Variants in GATA4 observed in about 807,000 individuals in gnomAD.
The protein encoded by GATA4 is GATA binding protein 4.
A neutral mutation model predicts 37.9 loss-of-function variants in GATA4; 7 were observed. The ratio of observed to expected loss-of-function variants is 0.18; its 90% CI spans 0.11 to 0.35. The LOEUF (loss-of-function observed/expected upper bound fraction) is 0.35. Among genes scored for constraint, GATA4 ranks in the 10% least tolerant of loss-of-function variants. The pLI is 1.00. For synonymous variants in GATA4, 372 were observed against 292.6 expected (o/e 1.27, Z -2.77); for missense variants, 647 against 653.0 (o/e 0.99, Z 0.10).
intron 2 of GATA4, among the ~76,000 whole-genome samples, chr8:11,720,743 C>T (rs774381996): frequency 2.6e-5 from 4 of 152,098 alleles, no homozygotes; most frequent in Non-Finnish European, 5.9e-5. Context: ...TAATAGCCTA[C>T]AGCTCCATGT....
intron 4 of GATA4, among the ~76,000 whole-genome samples, chr8:11,751,539 C>T (rs940049583): frequency 3.3e-5 from 5 of 152,178 alleles, no homozygotes; most frequent in Admixed American, 2.0e-4. Flanking sequence ...ATATGCAAGT[C>T]TTAATTGTTC....
Position 11,709,580 on chromosome 8 carries a change from G to GGT in GATA4, c.616+653_616+654insTG, listed in dbSNP as rs1554488917. ...TGGGCGCATCATGCGGGCAGCGGGG[G>GGT]GGGGGGCGCACACGCCCGGTCAGTG... is the stretch of plus-strand genomic sequence containing the variant. On this transcript the variant is annotated intron_variant, in intron 2 of 6. Transcript: ENST00000532059. The surrounding 1 kb of genome is among the most constrained non-coding windows in gnomAD (Gnocchi z 4.3). Among the ~76,000 whole-genome samples the GGT allele has an allele frequency of 1.4e-4, 21 of 152,074 alleles. 2 individuals are homozygous for GGT. The highest frequency in any genetic ancestry group is 1.2e-3 in the Admixed American group (19 of 15,290).
chr8:11,741,436 G>C (rs1021985997), intron 2 of GATA4, among the ~76,000 whole-genome samples: 5 of 151,942 alleles, frequency 3.3e-5, no homozygotes, highest in South Asian at 4.2e-4. Context: ...CTATGACTGA[G>C]CTGCTGGACT....
At chr8:11,711,640 C>G (rs1238142225) in intron 2 of GATA4, among the ~76,000 whole-genome samples, 2 of 148,940 alleles carry the variant, frequency 1.3e-5, no homozygotes, top group Admixed American at 1.4e-4. Context: ...ATTAGCCAGG[C>G]TTGGGGTGGC....
In GATA4 at chr8:11,757,065, C is replaced by G. The variant is rs116414842; in HGVS notation, c.1131C>G (p.His377Gln). The G allele has an allele frequency of 1.8e-5, 29 of 1,614,156 alleles. No homozygotes were observed. In the East Asian group the frequency reaches 6.2e-4, roughly 35 times the overall value. The change falls in exon 6 of 7, where the codon CAC becomes CAG. Residue 377 changes from histidine (H) to glutamine (Q), a missense_variant. His to Gln is a conservative substitution (Grantham distance 24, BLOSUM62 0). Coordinates refer to ENST00000532059, the MANE Select transcript of GATA4 (RefSeq NM_001308093.3). The part of the protein sequence containing the change: ...TEPGLSSHYG[H>Q]SSSVSQTFSV... ...CTGGCCTGTCATCTCACTACGGGCA[C>G]AGCAGCTCCGTGTCCCAGGTACGCG...
At chr8:11,677,289 G>A (rs1216262166) in intron 1 of GATA4, among the ~76,000 whole-genome samples, 1 of 152,236 alleles carries the variant, frequency 6.6e-6, no homozygotes, top group Non-Finnish European at 1.5e-5. Flanking sequence ...GCTCTGTGAA[G>A]GCCAGGCCGC....
intron 4 of GATA4, among the ~76,000 whole-genome samples, chr8:11,753,836 A>T (rs113556214): frequency 6.6e-6 from 1 of 152,194 alleles, no homozygotes; most frequent in Non-Finnish European, 1.5e-5. Context: ...GCCTTTATCA[A>T]TCCCACATGG....
chr8:11,693,116 T>A (rs1201969067), intron 1 of GATA4: 1 of 968,002 alleles, frequency 1.0e-6, no homozygotes, highest in Non-Finnish European at 1.2e-6. Context: ...TTAATCCCAG[T>A]GTCTGTTAAC....
chr8:11,714,553 C>T (rs1800353503), intron 2 of GATA4, among the ~76,000 whole-genome samples: 1 of 152,138 alleles, frequency 6.6e-6, no homozygotes, highest in African/African-American at 2.4e-5. Context: ...CTGAGCAGGT[C>T]AGTCAGAGTT....
upstream of GATA4, among the ~76,000 whole-genome samples, chr8:11,701,579 G>C (rs1417842587): frequency 6.6e-6 from 1 of 152,206 alleles, no homozygotes; most frequent in Non-Finnish European, 1.5e-5. Context: ...TGGCCCAAGG[G>C]AGGGAGGGGG....
At chr8:11,723,410 T>A (rs143774551) in intron 2 of GATA4, among the ~76,000 whole-genome samples, 188 of 152,310 alleles carry the variant, frequency 1.2e-3, no homozygotes, top group African/African-American at 4.4e-3. Context: ...ATATCCTGAT[T>A]GATGTTCAGA....
chr8:11,708,968 G>A lies in GATA4; in HGVS notation c.616+40G>A. ...GAGGGCTGGGGCGCGTGAGGGCCGG[G>A]GCAGGGGCCGTCTTGAGCCCTGTCG... On this transcript the variant is annotated intron_variant, in intron 2 of 6. Transcript: ENST00000532059. This position sits in a 1 kb window ranked among gnomAD's most constrained non-coding sequence, Gnocchi z 6.7. The A allele has an allele frequency of 1.3e-6, 2 of 1,508,640 alleles. No homozygotes were observed. The highest frequency in any genetic ancestry group is 8.8e-7 in the Non-Finnish European group (1 of 1,135,284). 93.5% of individuals were successfully genotyped at this position (1,508,640 alleles called of 1,614,324 possible).
intron 2 of GATA4, among the ~76,000 whole-genome samples, chr8:11,727,310 A>T (rs1368904048): frequency 1.3e-5 from 2 of 151,984 alleles, no homozygotes; most frequent in South Asian, 2.1e-4. Flanking sequence ...AAAGCAGAGG[A>T]TGGGGGGAGA....
chr8:11,712,411 C>T (rs895900674), intron 2 of GATA4, among the ~76,000 whole-genome samples: 4 of 152,198 alleles, frequency 2.6e-5, no homozygotes, highest in South Asian at 2.1e-4. Flanking sequence ...GAAGCAGCAT[C>T]ATTCTTCCCT....
At chr8:11,746,018 G>A (rs1016870228) in intron 2 of GATA4, among the ~76,000 whole-genome samples, 1 of 152,138 alleles carries the variant, frequency 6.6e-6, no homozygotes, top group Non-Finnish European at 1.5e-5. Context: ...AGTGGCTTAT[G>A]CCTGTAATCC....
chr8:11,680,505 A>G, intron 1 of GATA4: 1 of 985,406 alleles, frequency 1.0e-6, no homozygotes, highest in Non-Finnish European at 1.2e-6. Context: ...CTGGCGCCAC[A>G]TGGGCCAGGT....
chr8:11,739,631 G>C (rs1427296844), intron 2 of GATA4, among the ~76,000 whole-genome samples: 1 of 151,144 alleles, frequency 6.6e-6, no homozygotes. Flanking sequence ...CAGCTGGCCG[G>C]AAGCCGAGCC....
intron 2 of GATA4, among the ~76,000 whole-genome samples, chr8:11,731,296 AAGAG>A (rs1408841840): frequency 6.6e-6 from 1 of 152,266 alleles, no homozygotes; most frequent in East Asian, 1.9e-4. Flanking sequence ...TATTGATTAA[AAGAG>A]AGAGACACAA....
intron 5 of GATA4, among the ~76,000 whole-genome samples, chr8:11,755,909 T>TAAA (rs34801514): frequency 7.0e-6 from 1 of 143,804 alleles, no homozygotes; most frequent in African/African-American, 2.5e-5. Flanking sequence ...ACCCTGTCTT[T>TAAA]AAAAAAAAAA....
Sources: gnomAD v4.1 joint callset for allele counts (sites outside exome capture counted in the v4.1 genomes callset) on GRCh38, gnomAD v4.1.1 for gene constraint, Gnocchi (gnomAD v3.1) non-coding constraint, MANE v1.5 for transcripts, NCBI Gene and HGNC (gene_info 2026-07-23, HGNC 2026-07-21) for gene names.